Variants in DUSP29 observed in about 807,000 individuals in gnomAD.
The protein encoded by DUSP29 is atypical dual-specific protein phosphatase.
A neutral mutation model predicts 13.5 loss-of-function variants in DUSP29; 12 were observed. That is an observed-to-expected ratio of 0.89 (90% CI 0.57 to 1.44). DUSP29 has a LOEUF of 1.44. DUSP29 is among the 40% of genes most tolerant of loss of function. The pLI, the probability that DUSP29 is intolerant of heterozygous loss-of-function variation, is 0.00. For synonymous variants in DUSP29, 134 were observed against 128.7 expected (o/e 1.04, Z -0.28); for missense variants, 308 against 301.1 (o/e 1.02, Z -0.17).
intron 1 of DUSP29, among the ~76,000 whole-genome samples, chr10:75,064,942 T>G (rs1049547077): frequency 3.9e-5 from 6 of 152,152 alleles, no homozygotes; most frequent in Admixed American, 1.3e-4. Flanking sequence ...TGTGTATATT[T>G]TTAAACTGTG....
chr10:75,047,376 G>A (rs1846728061), intron 2 of DUSP29, among the ~76,000 whole-genome samples: 1 of 152,244 alleles, frequency 6.6e-6, no homozygotes, highest in African/African-American at 2.4e-5. Context: ...CCAGTCCCCA[G>A]ATGGGACAGA....
At chr10:75,065,659 C>T (rs1847185442) in intron 1 of DUSP29, among the ~76,000 whole-genome samples, 1 of 151,826 alleles carries the variant, frequency 6.6e-6, no homozygotes, top group Non-Finnish European at 1.5e-5. Context: ...CACATACAGG[C>T]TTCTTGCTTA....
chr10:75,054,251 G>T (rs1276247227), intron 2 of DUSP29, among the ~76,000 whole-genome samples: 1 of 152,146 alleles, frequency 6.6e-6, no homozygotes, highest in African/African-American at 2.4e-5. Flanking sequence ...TTCCTCAGTT[G>T]TACCATTTCT....
intron 1 of DUSP29, among the ~76,000 whole-genome samples, chr10:75,067,887 A>C (rs374482007): frequency 6.6e-6 from 1 of 152,272 alleles, no homozygotes; most frequent in East Asian, 1.9e-4. Context: ...ATCCAGGCTC[A>C]CTGCAACCTC....
intron 1 of DUSP29, among the ~76,000 whole-genome samples, chr10:75,060,019 G>C (rs1847052712): frequency 6.6e-6 from 1 of 152,022 alleles, no homozygotes; most frequent in South Asian, 2.1e-4. Flanking sequence ...AATTAGCCGG[G>C]TGTAGTGGCG....
intron 2 of DUSP29, among the ~76,000 whole-genome samples, chr10:75,051,811 AAC>A (rs1470313224): frequency 3.9e-5 from 6 of 152,276 alleles, no homozygotes; most frequent in East Asian, 1.9e-4. Flanking sequence ...GAGACCAAGA[AAC>A]ACAGGCAGCC....
chr10:75,058,890 A>G (rs990520364), intron 1 of DUSP29, among the ~76,000 whole-genome samples: 1 of 152,160 alleles, frequency 6.6e-6, no homozygotes, highest in East Asian at 1.9e-4. Flanking sequence ...TTTTTCCTTT[A>G]TCTGACTGAA....
intron 1 of DUSP29, among the ~76,000 whole-genome samples, chr10:75,068,729 G>C (rs567108652): frequency 6.6e-6 from 1 of 152,154 alleles, no homozygotes; most frequent in Non-Finnish European, 1.5e-5. Flanking sequence ...TACTGCTAGG[G>C]TACGTGGGGA....
At chr10:75,053,287 T>C (rs1367272630) in intron 2 of DUSP29, among the ~76,000 whole-genome samples, 2 of 152,238 alleles carry the variant, frequency 1.3e-5, no homozygotes, top group African/African-American at 4.8e-5. Context: ...CTCACCTCTG[T>C]AGCTATTCCC....
In DUSP29 at chr10:75,040,026, C is replaced by T. The variant is rs186956534; in HGVS notation, c.422-1949G>A. Among the ~76,000 whole-genome samples, 49 of 152,122 alleles carry T rather than the reference C, an allele frequency of 3.2e-4. 1 individual carries two copies. The South Asian group carries it at 9.1e-3, about 28-fold the overall frequency. On this transcript the variant is annotated intron_variant, in intron 3 of 3. Transcript: ENST00000338487. ...GAAACCCTGTCTCTACTAAAAAATACAAAAATTCACCAGGTGTGGTGGTGG... is the reference window on the plus strand; with the variant it reads ...GAAACCCTGTCTCTACTAAAAAATATAAAAATTCACCAGGTGTGGTGGTGG...
In DUSP29 at chr10:75,060,305, C is replaced by CA. The variant is rs564978548; in HGVS notation, c.-34-1758dup. Among the ~76,000 whole-genome samples the CA allele has an allele frequency of 1.4e-4, 21 of 151,810 alleles. No homozygotes were observed. The East Asian group carries it at 4.1e-3, about 29-fold the overall frequency. ...AGCAACATGACAAAACCCATCTCTA[C>CA]AAAAAAATGCAAAAATTAGCTGGGT... is the stretch of plus-strand genomic sequence containing the variant. On this transcript the variant is annotated intron_variant, in intron 1 of 3. Transcript: ENST00000338487.
In DUSP29 at chr10:75,058,529, A is replaced by AT; in HGVS notation, c.-16dup. ...CCAGATGTCATTTTAGAGCCAAGGG[A>AT]TTTTCTCTCCTTTCTGCAGCTGGTT... On this transcript the variant is annotated 5_prime_UTR_variant, in exon 2 of 4. An upstream open reading frame in the 5' UTR loses its in-frame stop. Coordinates refer to ENST00000338487, the MANE Select transcript of DUSP29 (RefSeq NM_001003892.3). 1.2e-6 allele frequency: 2 copies of AT among 1,613,552 alleles called. No homozygotes were observed. Among genetic ancestry groups the AT allele is most frequent in the Non-Finnish European group, 1.7e-6 (2 of 1,179,948 alleles).
intron 1 of DUSP29, among the ~76,000 whole-genome samples, chr10:75,067,163 T>C (rs937659848): frequency 2.6e-5 from 4 of 152,026 alleles, no homozygotes; most frequent in Non-Finnish European, 5.9e-5. Context: ...TTTCATCATG[T>C]TGACCAGGCT....
Position 75,043,857 on chromosome 10 carries a change from G to A in DUSP29, c.361C>T (p.Leu121Phe), listed in dbSNP as rs1021479083. ...GCCGCCGGGTAGAAGAAGACACTGAGGTCGAAGGTGGGCAGGTCGTCGGCC... is the reference window on the plus strand; with the variant it reads ...GCCGCCGGGTAGAAGAAGACACTGAAGTCGAAGGTGGGCAGGTCGTCGGCC... Reference protein sequence around the residue: ...VEADDLPTFDLSVFFYPAAAF... With the variant: ...VEADDLPTFDFSVFFYPAAAF... Residue 121 changes from leucine to phenylalanine, a missense_variant, in exon 3 of 4, where the codon CTC becomes TTC. By Grantham distance (22) the Leu-to-Phe change is conservative. Coordinates refer to ENST00000338487, the MANE Select transcript of DUSP29 (RefSeq NM_001003892.3). 2.5e-6 allele frequency: 4 copies of A among 1,614,022 alleles called. No individual in the cohort carries two copies. The highest frequency in any genetic ancestry group is 3.4e-6 in the Non-Finnish European group (4 of 1,179,932).
intron 2 of DUSP29, among the ~76,000 whole-genome samples, chr10:75,045,569 C>T (rs1846689752): frequency 6.6e-6 from 1 of 152,112 alleles, no homozygotes; most frequent in Non-Finnish European, 1.5e-5. Flanking sequence ...GTGTTTAAGC[C>T]AAGACTGAGG....
At chr10:75,065,862 CTATTAT>C (rs927702554) in intron 1 of DUSP29, among the ~76,000 whole-genome samples, 1 of 151,514 alleles carries the variant, frequency 6.6e-6, no homozygotes, top group Non-Finnish European at 1.5e-5. Flanking sequence ...AGCTAATTTA[CTATTAT>C]TATTATCATT....
At chr10:75,046,386 G>T (rs1165138369) in intron 2 of DUSP29, among the ~76,000 whole-genome samples, 3 of 152,174 alleles carry the variant, frequency 2.0e-5, no homozygotes, top group African/African-American at 7.2e-5. Context: ...TCATCTCAAG[G>T]CCACTGGTAA....
At chr10:75,044,112 G>C in intron 2 of DUSP29, 95 bp from the exon 3 acceptor site, 1 of 1,214,932 alleles carries the variant, frequency 8.2e-7, no homozygotes, top group Non-Finnish European at 1.1e-6. Context: ...GTGGATTCCA[G>C]TTCCAGAATG....
intron 2 of DUSP29, among the ~76,000 whole-genome samples, chr10:75,057,137 T>C (rs1466920597): frequency 6.6e-6 from 1 of 151,888 alleles, no homozygotes; most frequent in Non-Finnish European, 1.5e-5. Context: ...TAGCCAGGTG[T>C]GGAGGCAGGT....
Sources: gnomAD v4.1 joint callset for allele counts (sites outside exome capture counted in the v4.1 genomes callset) on GRCh38, gnomAD v4.1.1 for gene constraint, MANE v1.5 for transcripts, NCBI Gene and HGNC (gene_info 2026-07-23, HGNC 2026-07-21) for gene names.